GRM7: variants seen among roughly 807,000 people sequenced by gnomAD.
The protein encoded by GRM7 is glutamate metabotropic receptor 7.
In GRM7, 35 loss-of-function variants were observed where a neutral mutation model predicts 84.5. That is an observed-to-expected ratio of 0.41 (90% confidence interval 0.32 to 0.55). The LOEUF (loss-of-function observed/expected upper bound fraction) is 0.55. GRM7 is among the 20% of genes least tolerant of loss of function. The pLI is 0.19. For synonymous variants in GRM7, 487 were observed against 455.1 expected (o/e 1.07, Z -0.89); for missense variants, 1,003 against 1,194.6 (o/e 0.84, Z 2.36).
chr3:7,348,400 C>T lies in GRM7; in HGVS notation c.1033+41748C>T, dbSNP rs141685531. Among the ~76,000 whole-genome samples the T allele has an allele frequency of 1.3e-3, 196 of 152,224 alleles. 1 individual carries two copies. The highest frequency in any genetic ancestry group is 6.8e-3 in the Middle Eastern group (2 of 294). On this transcript the variant is annotated intron_variant, in intron 4 of 9. Coordinates refer to ENST00000357716, the MANE Select transcript of GRM7 (RefSeq NM_000844.4). ...ACTGATATCCTGCTTATATTTGTTG[C>T]TCCATATCACCAGGAAAATTTCTTT...
At chr3:7,313,119 G>T (rs140136744) in intron 4 of GRM7, among the ~76,000 whole-genome samples, 1 of 151,738 alleles carries the variant, frequency 6.6e-6, no homozygotes, top group East Asian at 1.9e-4. Flanking sequence ...AGTAGAGATG[G>T]GGTTTCACCA....
At position 7,579,095 on chromosome 3, in the gene GRM7, T is replaced by C; in HGVS notation, c.2189T>C (p.Ile730Thr). ...WFGVDPPNII[I>T]DYDEHKTMNP... ...GGTGTTGATCCACCCAACATCATCA[T>C]AGACTATGATGAACACAAGACAATG... Residue 730 changes from isoleucine (I) to threonine (T), a missense_variant, in exon 8 of 10, where the codon ATA (isoleucine) becomes ACA (threonine). This residue lies in a region of GRM7 where 910 missense variants were observed against 1,126.0 expected (regional missense o/e 0.81). Coordinates refer to ENST00000357716, the MANE Select transcript of GRM7 (RefSeq NM_000844.4). 3.1e-6 allele frequency: 5 copies of C among 1,614,052 alleles called. No homozygotes were observed. Among genetic ancestry groups the C allele is most frequent in the Non-Finnish European group, 4.2e-6 (5 of 1,179,938 alleles).
chr3:7,224,797 A>G (rs1696929354), intron 2 of GRM7, among the ~76,000 whole-genome samples: 1 of 152,122 alleles, frequency 6.6e-6, no homozygotes, highest in African/African-American at 2.4e-5. Flanking sequence ...TGGATGTGTC[A>G]TGTGTAGTGG....
intron 2 of GRM7, among the ~76,000 whole-genome samples, chr3:7,221,255 T>G (rs1696791738): frequency 1.3e-5 from 2 of 152,190 alleles, no homozygotes; most frequent in African/African-American, 2.4e-5. Flanking sequence ...AAACATTTGG[T>G]TTTTTGCTAC....
chr3:7,503,497 T>C (rs1432390924), intron 7 of GRM7, among the ~76,000 whole-genome samples: 1 of 152,168 alleles, frequency 6.6e-6, no homozygotes, highest in Non-Finnish European at 1.5e-5. Flanking sequence ...CCAGGCAGAT[T>C]GCATACCCAC....
At chr3:7,359,333 CTTTTT>C (rs372075812) in intron 4 of GRM7, among the ~76,000 whole-genome samples, 9 of 98,522 alleles carry the variant, frequency 9.1e-5, no homozygotes, top group African/African-American at 4.0e-4. Context: ...CCCTCCTCCT[CTTTTT>C]TTTTTTTTTT....
intron 1 of GRM7, among the ~76,000 whole-genome samples, chr3:7,066,169 A>G (rs944184315): frequency 1.3e-5 from 2 of 151,846 alleles, no homozygotes; most frequent in Non-Finnish European, 2.9e-5. Context: ...GAAAGGAAAT[A>G]AGATCAGAGC....
chr3:7,136,725 T>G (rs1559463724), intron 1 of GRM7, among the ~76,000 whole-genome samples: 3 of 152,134 alleles, frequency 2.0e-5, no homozygotes, highest in Admixed American at 2.0e-4. Context: ...TTTATCCATT[T>G]CCTGGCATGC....
intron 7 of GRM7, among the ~76,000 whole-genome samples, chr3:7,547,306 A>C (rs1455428723): frequency 4.2e-5 from 6 of 141,876 alleles, no homozygotes; most frequent in East Asian, 4.2e-4. Flanking sequence ...CCCCGGGTTC[A>C]CGCCATTCTC....
At chr3:7,375,354 G>C (rs2125122572) in intron 4 of GRM7, among the ~76,000 whole-genome samples, 1 of 151,886 alleles carries the variant, frequency 6.6e-6, no homozygotes, top group African/African-American at 2.4e-5. Context: ...GAGTGGCTGG[G>C]ACTACAGGCG....
chr3:7,369,554 C>T (rs574487211), intron 4 of GRM7, among the ~76,000 whole-genome samples: 30 of 152,128 alleles, frequency 2.0e-4, no homozygotes, highest in South Asian at 4.1e-4. Context: ...GTAGCTAAAA[C>T]TTTGGAGTTC....
intron 8 of GRM7, among the ~76,000 whole-genome samples, chr3:7,630,122 C>T (rs1024140572): frequency 3.3e-5 from 5 of 152,156 alleles, no homozygotes; most frequent in African/African-American, 1.2e-4. Flanking sequence ...TGATACTCTG[C>T]ATATATTTTT....
chr3:6,955,691 A>C (rs1451904451), intron 1 of GRM7, among the ~76,000 whole-genome samples: 1 of 151,392 alleles, frequency 6.6e-6, no homozygotes, highest in Non-Finnish European at 1.5e-5. Flanking sequence ...AAAAATACAA[A>C]ATTTTTTGGG....
At chr3:7,312,469 T>G (rs1402246327) in intron 4 of GRM7, among the ~76,000 whole-genome samples, 2 of 152,128 alleles carry the variant, frequency 1.3e-5, no homozygotes, top group African/African-American at 4.8e-5. Flanking sequence ...AAAGTGTCCC[T>G]GGGGCTTGGT....
At chr3:7,731,837 C>T (rs537918623) in intron 9 of GRM7, among the ~76,000 whole-genome samples, 1 of 152,222 alleles carries the variant, frequency 6.6e-6, no homozygotes, top group East Asian at 1.9e-4. Flanking sequence ...TCTTGTGGCC[C>T]CACCCAGAAG....
At position 7,445,056 on chromosome 3, in the gene GRM7, G is replaced by A. The variant is rs1004098552; in HGVS notation, c.1175-7551G>A. ...TCCTTCCTCTGCTGGCCTTGTGTCA[G>A]TTGTTCTGGGCGTTAACTTTTCCAC... is the stretch of plus-strand genomic sequence containing the variant. On this transcript the variant is annotated intron_variant, in intron 5 of 9. Transcript: ENST00000357716. 9.2e-5 allele frequency among the ~76,000 whole-genome samples: 14 copies of A among 152,264 alleles called. No individual in the cohort carries two copies. The South Asian group carries it at 1.4e-3, about 16-fold the overall frequency.
intron 8 of GRM7, among the ~76,000 whole-genome samples, chr3:7,619,013 T>C (rs1461098709): frequency 1.3e-5 from 2 of 152,106 alleles, no homozygotes; most frequent in Non-Finnish European, 1.5e-5. Context: ...GGAGGGTGTA[T>C]AGGTGGCTTT....
chr3:6,939,303 C>A (rs1157906697), intron 1 of GRM7, among the ~76,000 whole-genome samples: 1 of 152,116 alleles, frequency 6.6e-6, no homozygotes, highest in African/African-American at 2.4e-5. Context: ...TGATTCACAT[C>A]ATTATCAATC....
intron 9 of GRM7, chr3:7,691,223 C>A: frequency 7.9e-7 from 1 of 1,266,606 alleles, no homozygotes; most frequent in Non-Finnish European, 1.0e-6. Context: ...CCTCTGAGGA[C>A]CTCAGCTTGC....
Sources: allele counts gnomAD v4.1 joint callset (sites outside exome capture counted in the v4.1 genomes callset), GRCh38; gene constraint gnomAD v4.1.1; regional missense constraint gnomAD v4.1.1; transcripts MANE v1.5; gene names NCBI Gene and HGNC (gene_info 2026-07-23, HGNC 2026-07-21).